SCGN: variants seen among roughly 807,000 people sequenced by gnomAD.
SCGN encodes secretagogin.
A neutral mutation model predicts 39.7 loss-of-function variants in SCGN; 30 were observed. The ratio of observed to expected loss-of-function variants is 0.76; its 90% CI spans 0.57 to 1.03. SCGN has a LOEUF of 1.03. SCGN is among the 50% of genes least tolerant of loss of function. The pLI, the probability that SCGN is intolerant of heterozygous loss-of-function variation, is 0.00. For synonymous variants in SCGN, 106 were observed against 114.1 expected, an observed-to-expected ratio of 0.93 and a Z score of 0.45; for missense variants, 353 against 349.4, an observed-to-expected ratio of 1.01 and a Z score of -0.08.
intron 5 of SCGN, 63 bp downstream of exon 5, chr6:25,669,630 T>G: frequency 7.3e-7 from 1 of 1,373,052 alleles, no homozygotes; most frequent in Non-Finnish European, 1.0e-6. Flanking sequence ...GTGTGTATCA[T>G]GAGTTTGATT....
chr6:25,690,566 A>C (rs551516521), intron 9 of SCGN, among the ~76,000 whole-genome samples: 1 of 152,348 alleles, frequency 6.6e-6, no homozygotes, highest in Non-Finnish European at 1.5e-5. Flanking sequence ...TAAAATGGTT[A>C]GAAAAAAATA....
chr6:25,689,316 T>G (rs1021373310), intron 8 of SCGN, 99 bp downstream of exon 8: 14 of 1,152,980 alleles, frequency 1.2e-5, no homozygotes, highest in East Asian at 7.0e-5. Context: ...TGCCCTACTT[T>G]TTAACTTATT....
intron 2 of SCGN, among the ~76,000 whole-genome samples, chr6:25,658,346 A>AT (rs201809415): frequency 3.3e-4 from 49 of 146,508 alleles, no homozygotes; most frequent in South Asian, 6.5e-4. Context: ...TCTGGTATTC[A>AT]TTTTTTTTTT....
chr6:25,676,665 T>G (rs981815549), intron 6 of SCGN, among the ~76,000 whole-genome samples: 1 of 152,238 alleles, frequency 6.6e-6, no homozygotes, highest in Non-Finnish European at 1.5e-5. Context: ...AATTTGCTAT[T>G]CTATATGCTA....
intron 7 of SCGN, among the ~76,000 whole-genome samples, chr6:25,686,020 ATTTCACTTGGAGTAATGT>A (rs775883589): frequency 2.0e-5 from 3 of 152,136 alleles, no homozygotes; most frequent in Non-Finnish European, 4.4e-5. Flanking sequence ...CTATCTGGCT[ATTTCACTTGGAGTAATGT>A]TTTCAAGGTT....
chr6:25,668,955 C>T (rs2092161), intron 4 of SCGN, among the ~76,000 whole-genome samples: 21,668 of 151,854 alleles, frequency 0.14, 1,592 homozygotes, highest in Non-Finnish European at 0.16. Context: ...ACTAAAAATA[C>T]CAAAAATTAG....
At chr6:25,661,408 T>TA in intron 2 of SCGN, 144 bp from the exon 3 acceptor site, 1 of 583,284 alleles carries the variant, frequency 1.7e-6, no homozygotes, top group East Asian at 3.0e-5. Context: ...TACAAAAGGG[T>TA]AAAATCACTT....
chr6:25,689,076 GA>G, intron 7 of SCGN, 95 bp from the exon 8 acceptor site: 1 of 755,432 alleles, frequency 1.3e-6, no homozygotes, highest in South Asian at 1.7e-5. Context: ...TGTTCTGCAG[GA>G]AATTGCCTGT....
chr6:25,667,493 T>C (rs1322077678), intron 4 of SCGN, among the ~76,000 whole-genome samples: 1 of 152,194 alleles, frequency 6.6e-6, no homozygotes, highest in Non-Finnish European at 1.5e-5. Flanking sequence ...ACACTATAAC[T>C]CTTACCCACC....
rs1370951732 is a variant in SCGN at position 25,689,188 on chromosome 6, G to T, written c.544G>T (p.Glu182Ter). ...TCTATTTAGGATTCTGGCTCTTCAG[G>T]AAAACTTCCTTCTCCAATTTAAAAT... ...NDLARILALQ[E>*]NFLLQFKMDA... Residue 182 changes from glutamate (E) to a stop codon, truncating the protein, a stop_gained, in exon 8 of 11, where the codon GAA (glutamate) becomes TAA (stop). Coordinates refer to ENST00000377961, the MANE Select transcript of SCGN (RefSeq NM_006998.4). LOFTEE classifies it high-confidence loss of function. 2.5e-6 allele frequency: 4 copies of T among 1,594,802 alleles called. No homozygotes were observed. The highest frequency in any genetic ancestry group is 2.6e-6 in the Non-Finnish European group (3 of 1,168,144).
chr6:25,689,297 GCAT>G (rs769210514), intron 8 of SCGN, 80 bp downstream of exon 8: 2 of 1,192,294 alleles, frequency 1.7e-6, no homozygotes, highest in Non-Finnish European at 2.4e-6. Flanking sequence ...AGAAAGGAAG[GCAT>G]CTATTTGCCC....
At chr6:25,697,358 T>A (rs1481749330) in intron 10 of SCGN, among the ~76,000 whole-genome samples, 1 of 152,128 alleles carries the variant, frequency 6.6e-6, no homozygotes, top group Non-Finnish European at 1.5e-5. Context: ...CAGAATAAGG[T>A]TCTGGTTAAT....
Position 25,665,002 on chromosome 6 carries a change from C to T in SCGN, c.306C>T (p.Asn102=), listed in dbSNP as rs1173035598. 1 of 1,613,928 alleles carries T rather than the reference C, an allele frequency of 6.2e-7. No homozygotes were observed. Among genetic ancestry groups the T allele is most frequent in the Non-Finnish European group, 8.5e-7 (1 of 1,179,872 alleles). The change falls in exon 4 of 11, where the codon AAC becomes AAT. Residue 102 remains asparagine, a synonymous_variant. Transcript: ENST00000377961. Reference sequence around the variant, plus strand: ...TTCTTCTGCTCTTTCGCCGGGAAAACCCACTGGACAGCAGCGTGGAGTTTA... The same window carrying T: ...TTCTTCTGCTCTTTCGCCGGGAAAATCCACTGGACAGCAGCGTGGAGTTTA... ...ENFLLLFRRE[N]PLDSSVEFMQ...
intron 6 of SCGN, among the ~76,000 whole-genome samples, chr6:25,674,932 A>G (rs914505929): frequency 6.6e-6 from 1 of 152,250 alleles, no homozygotes; most frequent in Non-Finnish European, 1.5e-5. Context: ...TAAGCTAATA[A>G]TTCTGGCTGA....
chr6:25,700,212 C>G (rs1194547197), intron 10 of SCGN, among the ~76,000 whole-genome samples: 1 of 145,578 alleles, frequency 6.9e-6, no homozygotes, highest in African/African-American at 2.6e-5. Context: ...TGCCACTGCA[C>G]TCCAGCAGGG....
intron 4 of SCGN, among the ~76,000 whole-genome samples, chr6:25,667,450 C>G (rs190406261): frequency 5.1e-4 from 77 of 152,272 alleles, no homozygotes; most frequent in African/African-American, 1.8e-3. Context: ...AAGTTAATGT[C>G]TTTACTTTTC....
chr6:25,680,028 A>C (rs1759618094), intron 6 of SCGN, among the ~76,000 whole-genome samples: 1 of 143,524 alleles, frequency 7.0e-6, no homozygotes, highest in Admixed American at 7.1e-5. Flanking sequence ...TCTAAATATC[A>C]GTTTCCTTAT....
rs764409040 is a variant in SCGN, at chr6:25,652,480, C to T, written c.77C>T (p.Ala26Val). The T allele has an allele frequency of 5.6e-6, 9 of 1,613,752 alleles. No homozygotes were observed. Among genetic ancestry groups the T allele is most frequent in the Non-Finnish European group, 7.6e-6 (9 of 1,179,904 alleles). ...TGGCAGGTCTGGCAGCGCTTTGATGCGGATGGTGAGTAGAACAAGCCACTT... is the reference window on the plus strand; with the variant it reads ...TGGCAGGTCTGGCAGCGCTTTGATGTGGATGGTGAGTAGAACAAGCCACTT... ...GFWQVWQRFD[A>V]DEKGYIEEKE... is the part of the protein sequence containing the mutation. Residue 26 changes from alanine to valine, a missense_variant, in exon 1 of 11, where the codon GCG (alanine) becomes GTG (valine). Coordinates refer to ENST00000377961, the MANE Select transcript of SCGN (RefSeq NM_006998.4).
chr6:25,667,598 A>G (rs148647617), intron 4 of SCGN, among the ~76,000 whole-genome samples: 209 of 152,218 alleles, frequency 1.4e-3, no homozygotes, highest in African/African-American at 4.9e-3. Flanking sequence ...CAATTTGCCC[A>G]TGTGTCACCA....
Sources: gnomAD v4.1 joint callset for allele counts (sites outside exome capture counted in the v4.1 genomes callset) on GRCh38, gnomAD v4.1.1 for gene constraint, MANE v1.5 for transcripts, NCBI Gene and HGNC (gene_info 2026-07-23, HGNC 2026-07-21) for gene names.